The following EPHA8 variants were observed in gnomAD, a reference collection of about 807,000 sequenced individuals.
The protein encoded by EPHA8 is ephrin type-A receptor 8.
Under a neutral mutation model 103.6 loss-of-function variants are expected in EPHA8, and 58 were observed. The observed-to-expected ratio is 0.56, with a 90% confidence interval of 0.45 to 0.70. The LOEUF is 0.70. Among genes scored for constraint, EPHA8 ranks in the 30% least tolerant of loss-of-function variants. EPHA8 has a pLI of 0.00. For missense variants in EPHA8, 1,304 were observed against 1,395.2 expected, an observed-to-expected ratio of 0.93 and a Z score of 1.04; for synonymous variants, 559 against 572.5, an observed-to-expected ratio of 0.98 and a Z score of 0.34.
chr1:22,570,506 T>A (rs951495050), intron 2 of EPHA8, among the ~76,000 whole-genome samples: 1 of 152,198 alleles, frequency 6.6e-6, no homozygotes, highest in Admixed American at 6.5e-5. Context: ...AATAATAATA[T>A]TAATAATGAT....
chr1:22,573,415 T>G (rs1179892213), intron 2 of EPHA8, among the ~76,000 whole-genome samples: 2 of 152,118 alleles, frequency 1.3e-5, no homozygotes, highest in African/African-American at 4.8e-5. Context: ...ATGTGGGCAC[T>G]GAGGATCAAG....
chr1:22,576,887 G>C lies in EPHA8; in HGVS notation c.823+7G>C. On this transcript the variant is annotated splice_region_variant and intron_variant, in intron 3 of 16. Coordinates refer to ENST00000166244, the MANE Select transcript of EPHA8 (RefSeq NM_020526.5). The surrounding 1 kb of genome is among the most constrained non-coding windows in gnomAD (Gnocchi z 4.8). ...CGGCGGGATGCCTGTGTGGGTGAGC[G>C]CGCCATGGCCTGGGCATGGGTCAGC... 6.4e-7 allele frequency: 1 copy of C among 1,573,678 alleles called. No homozygotes were observed. Among genetic ancestry groups the C allele is most frequent in the Non-Finnish European group, 8.6e-7 (1 of 1,157,024 alleles).
Position 22,589,172 on chromosome 1 carries a change from G to A in EPHA8, c.1281G>A (p.Arg427=), listed in dbSNP as rs753894209. The A allele has an allele frequency of 1.7e-5, 27 of 1,613,754 alleles. 1 individual carries two copies. The South Asian group carries it at 2.7e-4, about 16-fold the overall frequency. ...GVSDLSPEPR[R]AAVVNITTNQ... is the part of the protein sequence containing the mutation. Reference sequence around the variant, plus strand: ...CCGACCTGAGCCCCGAGCCCCGCCGGGCCGCTGTGGTCAACATCACCACGA... The same window carrying A: ...CCGACCTGAGCCCCGAGCCCCGCCGAGCCGCTGTGGTCAACATCACCACGA... The change falls in exon 5 of 17, where the codon CGG becomes CGA. Residue 427 remains arginine (R), a synonymous_variant. Transcript: ENST00000166244. This position sits in a 1 kb window ranked among gnomAD's most constrained non-coding sequence, Gnocchi z 4.3.
intron 3 of EPHA8, among the ~76,000 whole-genome samples, chr1:22,578,485 T>C (rs970948538): frequency 7.3e-6 from 1 of 137,054 alleles, no homozygotes; most frequent in African/African-American, 2.8e-5. Flanking sequence ...TGCATGAGTG[T>C]GTGCATGTGT....
At chr1:22,593,302 A>G (rs1478152721) in intron 5 of EPHA8, 24 bp from the exon 6 acceptor site, 22 of 1,549,844 alleles carry the variant, frequency 1.4e-5, no homozygotes, top group Non-Finnish European at 1.9e-5. Context: ...CCCTCCGCCC[A>G]TCTGACGGGA....
chr1:22,600,291 GGAAGGAAGGGAAGAGGAAAA>G (rs1342553924), intron 13 of EPHA8, among the ~76,000 whole-genome samples: 2 of 144,530 alleles, frequency 1.4e-5, no homozygotes, highest in African/African-American at 2.8e-5. Context: ...GATGAGGAAA[GGAAGGAAGGGAAGAGGAAAA>G]GAAGGGAGGA....
Position 22,600,778 on chromosome 1 carries a change from G to T in EPHA8, c.2506G>T (p.Glu836Ter). 6.2e-7 allele frequency: 1 copy of T among 1,611,370 alleles called. No individual in the cohort carries two copies. ...VVMWEVLAYG[E>*]RPYWNMTNRD... is the part of the protein sequence containing the mutation. ...CATGTGGGAGGTGCTGGCCTATGGGGAGCGGCCCTACTGGAACATGACCAA... is the reference window on the plus strand; with the variant it reads ...CATGTGGGAGGTGCTGGCCTATGGGTAGCGGCCCTACTGGAACATGACCAA... Residue 836 changes from glutamate (E) to a stop codon, truncating the protein, a stop_gained, in exon 14 of 17, where the codon GAG becomes TAG. Coordinates refer to ENST00000166244, the MANE Select transcript of EPHA8 (RefSeq NM_020526.5). LOFTEE classifies it high-confidence loss of function.
chr1:22,597,858 C>T lies in EPHA8; in HGVS notation c.2113C>T (p.Arg705Cys), dbSNP rs528574353. The T allele has an allele frequency of 9.3e-6, 15 of 1,606,446 alleles. No homozygotes were observed. Among genetic ancestry groups the T allele is most frequent in the African/African-American group, 4.0e-5 (3 of 74,854 alleles). ...NIIRLEGVVT[R>C]GRLAMIVTEY... ...CATCCGCCTCGAGGGTGTCGTCACC[C>T]GTGGTAGGTGCCGGGCAAAGACAGC... Residue 705 changes from arginine (R) to cysteine (C), a missense_variant, in exon 11 of 17, where the codon CGT becomes TGT. Coordinates refer to ENST00000166244, the MANE Select transcript of EPHA8 (RefSeq NM_020526.5). This position sits in a 1 kb window ranked among gnomAD's most constrained non-coding sequence, Gnocchi z 4.6.
intron 5 of EPHA8, among the ~76,000 whole-genome samples, chr1:22,591,388 ATT>A (rs112955282): frequency 2.8e-5 from 4 of 143,210 alleles, no homozygotes; most frequent in Admixed American, 7.0e-5. Context: ...ATGCCCAGTG[ATT>A]TTTTTTTTTT....
intron 2 of EPHA8, among the ~76,000 whole-genome samples, chr1:22,574,658 A>G (rs963903515): frequency 1.3e-5 from 2 of 152,180 alleles, no homozygotes; most frequent in South Asian, 4.1e-4. Context: ...CGTTGTAGGT[A>G]TATGCCACAT....
In EPHA8 at chr1:22,593,295, T is replaced by G. The variant is rs1641421447; in HGVS notation, c.1316-31T>G. Reference sequence around the variant, plus strand: ...GAGAGAGGCCACGCCTTGTCTCCCCTCCGCCCATCTGACGGGATTGGCCGC... The same window carrying G: ...GAGAGAGGCCACGCCTTGTCTCCCCGCCGCCCATCTGACGGGATTGGCCGC... On this transcript the variant is annotated intron_variant, in intron 5 of 16. Transcript: ENST00000166244. 1.3e-6 allele frequency: 2 copies of G among 1,545,560 alleles called. 1 individual carries two copies. The highest frequency in any genetic ancestry group is 2.7e-5 in the African/African-American group (2 of 73,338).
chr1:22,577,032 C>T, intron 3 of EPHA8, 152 bp downstream of exon 3: 3 of 978,446 alleles, frequency 3.1e-6, no homozygotes, highest in African/African-American at 1.6e-5. Context: ...AGTGTTCCTA[C>T]ATCAGGAAAT....
chr1:22,601,167 G>A, intron 15 of EPHA8, 79 bp downstream of exon 15: 1 of 1,540,974 alleles, frequency 6.5e-7, no homozygotes, highest in Admixed American at 2.0e-5. Flanking sequence ...GGACAGTTTG[G>A]CCCTGACACT....
In EPHA8 at chr1:22,597,132, G is replaced by A. The variant is rs952499682; in HGVS notation, c.1766-180G>A. Among the ~76,000 whole-genome samples, 24 of 152,212 alleles carry A rather than the reference G, an allele frequency of 1.6e-4. No individual in the cohort carries two copies. Among genetic ancestry groups the A allele is most frequent in the Non-Finnish European group, 2.1e-4 (14 of 68,012 alleles). On this transcript the variant is annotated intron_variant, in intron 9 of 16. Coordinates refer to ENST00000166244, the MANE Select transcript of EPHA8 (RefSeq NM_020526.5). This position sits in a 1 kb window ranked among gnomAD's most constrained non-coding sequence, Gnocchi z 4.6. ...CACAGCCCCATAGAAACCCCAGAGC[G>A]ACTCCAGAGACCCCACTTTCACTTG...
At chr1:22,596,817 C>A (rs1047183693) in intron 9 of EPHA8, among the ~76,000 whole-genome samples, 1 of 151,902 alleles carries the variant, frequency 6.6e-6, no homozygotes, top group African/African-American at 2.4e-5. Flanking sequence ...ATTCACCATG[C>A]ACTACTAATT....
rs1486600210 is a variant in EPHA8 at position 22,569,242 on chromosome 1, G to C, written c.95-47G>C. The C allele has an allele frequency of 6.2e-7, 1 of 1,604,310 alleles. No homozygotes were observed. Among genetic ancestry groups the C allele is most frequent in the African/African-American group, 1.3e-5 (1 of 74,646 alleles). On this transcript the variant is annotated intron_variant, in intron 1 of 16. Transcript: ENST00000166244. This position sits in a 1 kb window ranked among gnomAD's most constrained non-coding sequence, Gnocchi z 4.5. ...GGGTCAGGCTGCTCTTGAGGAGCTG[G>C]GGAGAAGTCAGAGGGGCCTGATGCC...
intron 15 of EPHA8, 57 bp downstream of exon 15, chr1:22,601,145 G>C: frequency 6.4e-7 from 1 of 1,562,790 alleles, no homozygotes; most frequent in Non-Finnish European, 8.7e-7. Context: ...TATTGCCCCA[G>C]ATCTGTCCCT....
intron 3 of EPHA8, among the ~76,000 whole-genome samples, chr1:22,585,582 G>A (rs1304527700): frequency 6.6e-6 from 1 of 152,196 alleles, no homozygotes; most frequent in Non-Finnish European, 1.5e-5. Flanking sequence ...GCCCTCCAAG[G>A]CCCAAACAGG....
chr1:22,578,687 G>T (rs1045597924), intron 3 of EPHA8, among the ~76,000 whole-genome samples: 2 of 138,530 alleles, frequency 1.4e-5, no homozygotes, highest in African/African-American at 3.1e-5. Context: ...GTGCATGAGT[G>T]TATGTGTGCC....
Sources: gnomAD v4.1 joint callset for allele counts (sites outside exome capture counted in the v4.1 genomes callset) on GRCh38, gnomAD v4.1.1 for gene constraint, Gnocchi (gnomAD v3.1) non-coding constraint, MANE v1.5 for transcripts, NCBI Gene and HGNC (gene_info 2026-07-23, HGNC 2026-07-21) for gene names.